SPATA13: variants seen among roughly 807,000 people sequenced by gnomAD.
The protein encoded by SPATA13 is spermatogenesis-associated protein 13.
A neutral mutation model predicts 104.0 loss-of-function variants in SPATA13; 50 were observed. The observed-to-expected ratio is 0.48, with a 90% CI of 0.38 to 0.61. The LOEUF (loss-of-function observed/expected upper bound fraction) is 0.61. SPATA13 is among the 20% of genes least tolerant of loss of function. The pLI, the probability that SPATA13 is intolerant of heterozygous loss-of-function variation, is 0.00. For missense variants in SPATA13, 1,524 were observed against 1,690.6 expected (o/e 0.90, Z 1.73); for synonymous variants, 606 against 667.5 (o/e 0.91, Z 1.42).
chr13:23,984,740 A>C (rs1017278695), intron 2 of SPATA13, among the ~76,000 whole-genome samples: 20 of 152,372 alleles, frequency 1.3e-4, no homozygotes, highest in Non-Finnish European at 2.1e-4. Context: ...CGGTGCTTTC[A>C]GAAACAGGTT....
intron 4 of SPATA13, among the ~76,000 whole-genome samples, chr13:24,283,355 T>C (rs1875691244): frequency 6.6e-6 from 1 of 152,248 alleles, no homozygotes; most frequent in African/African-American, 2.4e-5. Context: ...GAAAAAATAC[T>C]GATAGATTGC....
chr13:24,137,434 A>T (rs1237636140), intron 3 of SPATA13, among the ~76,000 whole-genome samples: 1 of 152,214 alleles, frequency 6.6e-6, no homozygotes, highest in African/African-American at 2.4e-5. Flanking sequence ...AATACTTACA[A>T]CCTTCTTTAC....
Position 24,161,045 on chromosome 13 carries a change from C to CA in SPATA13, c.-112+114dup. The stretch of plus-strand genomic sequence containing the variant: ...GACTGCCTCGGGGCTTCGGGATGTC[C>CA]AGCTCCCAGCTGCTTGGCCTCTGCT... On this transcript the variant is annotated intron_variant, in intron 1 of 12. Transcript: ENST00000382108. This position sits in a 1 kb window ranked among gnomAD's most constrained non-coding sequence, Gnocchi z 4.5. 1 of 623,016 alleles carries CA rather than the reference C, an allele frequency of 1.6e-6. No individual in the cohort carries two copies. Among genetic ancestry groups the CA allele is most frequent in the Non-Finnish European group, 2.0e-6 (1 of 498,340 alleles). 38.6% of individuals were successfully genotyped at this position (623,016 alleles called of 1,614,324 possible).
At chr13:24,094,059 C>T (rs529863063) in intron 3 of SPATA13, among the ~76,000 whole-genome samples, 95 of 152,236 alleles carry the variant, frequency 6.2e-4, no homozygotes, top group African/African-American at 2.1e-3. Context: ...CCTTCTATAC[C>T]GGAATGTCCT....
intron 2 of SPATA13, among the ~76,000 whole-genome samples, chr13:24,230,622 C>G (rs1028420332): frequency 6.6e-6 from 1 of 152,138 alleles, no homozygotes; most frequent in East Asian, 1.9e-4. Context: ...ATAAGTGTCC[C>G]GACCACATAG....
At chr13:24,103,132 T>A (rs1475093907) in intron 3 of SPATA13, among the ~76,000 whole-genome samples, 1 of 152,136 alleles carries the variant, frequency 6.6e-6, no homozygotes, top group Non-Finnish European at 1.5e-5. Context: ...GGCAGAAGAA[T>A]CTCATGAACT....
At chr13:24,175,923 T>G (rs1868409682) in intron 1 of SPATA13, among the ~76,000 whole-genome samples, 1 of 152,222 alleles carries the variant, frequency 6.6e-6, no homozygotes. Flanking sequence ...TAATGCAGCT[T>G]AAATTTGAAA....
chr13:24,233,886 AACACACACACACACACAC>A lies in SPATA13; in HGVS notation c.1653+9329_1653+9346del, dbSNP rs10571334. 1.1e-4 allele frequency among the ~76,000 whole-genome samples: 16 copies of A among 147,670 alleles called. 1 individual carries two copies. The South Asian group carries it at 2.0e-3, about 19-fold the overall frequency. ...CAGGCTACAGAACTTTATACACTTA[AACACACACACACACACAC>A]ACACACACACACACACACACACACT... is the stretch of plus-strand genomic sequence containing the variant. On this transcript the variant is annotated intron_variant, in intron 2 of 12. Transcript: ENST00000382108.
intron 2 of SPATA13, among the ~76,000 whole-genome samples, chr13:24,004,963 C>G (rs1286892471): frequency 6.6e-6 from 1 of 152,208 alleles, no homozygotes; most frequent in African/African-American, 2.4e-5. Flanking sequence ...GAGAATAAAT[C>G]AAATGAATTC....
rs148495795 is a variant in SPATA13 at position 24,067,511 on chromosome 13, A to C, written c.-112+49810A>C. 2.0e-5 allele frequency among the ~76,000 whole-genome samples: 3 copies of C among 152,344 alleles called. No individual in the cohort carries two copies. The East Asian group carries it at 5.8e-4, about 29-fold the overall frequency. On this transcript the variant is annotated intron_variant, in intron 3 of 14. Coordinates refer to the SPATA13 transcript ENST00000424834. ...TACATCAAAAATACAAGTAGATTCA[A>C]GAAAGTTATATAAGTAAATTCACAG...
chr13:24,302,601 A>G lies in SPATA13; in HGVS notation c.3662A>G (p.Tyr1221Cys). 6.2e-7 allele frequency: 1 copy of G among 1,603,724 alleles called. No individual in the cohort carries two copies. The highest frequency in any genetic ancestry group is 1.7e-5 in the Admixed American group (1 of 59,334). ...TCTCTCTCCCCTCCCGAGTCAGGCT[A>G]CAACAGGTGCCCTGTGGCCCCACCG... ...QKAGHGKSKGYNRCPVAPPHQ... is the reference protein window; with the variant it reads ...QKAGHGKSKGCNRCPVAPPHQ... Residue 1221 changes from tyrosine to cysteine, a missense_variant, in exon 13 of 13, where the codon TAC becomes TGC. Physicochemically the swap from Tyr to Cys is radical, Grantham distance 194. Transcript: ENST00000382108.
intron 1 of SPATA13, among the ~76,000 whole-genome samples, chr13:24,163,566 C>G (rs1271599176): frequency 6.6e-6 from 1 of 152,170 alleles, no homozygotes; most frequent in East Asian, 1.9e-4. Flanking sequence ...AATCTTAAAG[C>G]CTTGTCCAAA....
At chr13:23,984,445 T>C (rs1875052799) in intron 2 of SPATA13, among the ~76,000 whole-genome samples, 1 of 152,252 alleles carries the variant, frequency 6.6e-6, no homozygotes, top group South Asian at 2.1e-4. Flanking sequence ...CTCTTCTCTG[T>C]AAGTTGAATA....
intron 3 of SPATA13, among the ~76,000 whole-genome samples, chr13:24,128,273 G>A (rs761785943): frequency 2.0e-5 from 3 of 152,194 alleles, no homozygotes; most frequent in African/African-American, 4.8e-5. Context: ...TGACCTACAC[G>A]TGGGACAGGA....
At chr13:24,090,121 T>A (rs1167124443) in intron 3 of SPATA13, among the ~76,000 whole-genome samples, 1 of 152,186 alleles carries the variant, frequency 6.6e-6, no homozygotes, top group African/African-American at 2.4e-5. Flanking sequence ...TCCTTTATTT[T>A]TTTTTCTTCT....
chr13:24,124,452 C>T (rs1165125486), intron 3 of SPATA13, among the ~76,000 whole-genome samples: 2 of 152,160 alleles, frequency 1.3e-5, no homozygotes, highest in African/African-American at 2.4e-5. Flanking sequence ...GATAGAAGGG[C>T]AAGGTGCCTT....
Position 24,297,477 on chromosome 13 carries a change from G to A in SPATA13, c.3325G>A (p.Val1109Met). 6.2e-7 allele frequency: 1 copy of A among 1,614,200 alleles called. No individual in the cohort carries two copies. The change falls in exon 11 of 13, where the codon GTG becomes ATG. Residue 1109 changes from valine to methionine, a missense_variant. Physicochemically the swap from Val to Met is conservative, Grantham distance 21 (BLOSUM62 1). Transcript: ENST00000382108. ...RTFFLFDHQLVSCKKDLLRRD... is the reference protein window; with the variant it reads ...RTFFLFDHQLMSCKKDLLRRD... ...GTTCTTCCTGTTTGACCACCAGCTGGTGTCCTGCAAGAAGGACCTGCTGCG... is the reference window on the plus strand; with the variant it reads ...GTTCTTCCTGTTTGACCACCAGCTGATGTCCTGCAAGAAGGACCTGCTGCG...
chr13:24,260,316 T>A (rs1211873723), intron 4 of SPATA13, among the ~76,000 whole-genome samples: 1 of 152,050 alleles, frequency 6.6e-6, no homozygotes, highest in Non-Finnish European at 1.5e-5. Context: ...AAGTTGAGAG[T>A]AGGGTAGCCT....
chr13:24,287,982 G>T (rs1876082479), intron 7 of SPATA13, among the ~76,000 whole-genome samples: 1 of 152,174 alleles, frequency 6.6e-6, no homozygotes, highest in African/African-American at 2.4e-5. Flanking sequence ...TTCTCTAATC[G>T]GATTAGCCAG....
Sources: allele counts gnomAD v4.1 joint callset (sites outside exome capture counted in the v4.1 genomes callset), GRCh38; gene constraint gnomAD v4.1.1; non-coding constraint Gnocchi (gnomAD v3.1); transcripts MANE v1.5; gene names NCBI Gene and HGNC (gene_info 2026-07-23, HGNC 2026-07-21).